DAPK2: variants seen among roughly 807,000 people sequenced by gnomAD.
DAPK2 encodes death-associated protein kinase 2.
Under a neutral mutation model 44.1 loss-of-function variants are expected in DAPK2, and 35 were observed. The observed-to-expected ratio is 0.79, with a 90% CI of 0.61 to 1.05. The LOEUF is 1.05. Among genes scored for constraint, DAPK2 ranks in the 50% least tolerant of loss-of-function variants. DAPK2 has a pLI of 0.00. For synonymous variants in DAPK2, 174 were observed against 182.6 expected, an observed-to-expected ratio of 0.95 and a Z score of 0.38; for missense variants, 453 against 483.2, an observed-to-expected ratio of 0.94 and a Z score of 0.59.
intron 2 of DAPK2, among the ~76,000 whole-genome samples, chr15:63,982,548 A>G (rs904021136): frequency 1.3e-5 from 2 of 152,116 alleles, no homozygotes; most frequent in African/African-American, 2.4e-5. Context: ...ACTTGTCCAC[A>G]ACCCAACTCA....
intron 3 of DAPK2, among the ~76,000 whole-genome samples, chr15:63,969,059 T>C (rs893665474): frequency 1.3e-5 from 2 of 152,188 alleles, no homozygotes; most frequent in African/African-American, 4.8e-5. Flanking sequence ...CCATCCTTGG[T>C]GACCCCCATT....
At chr15:64,014,436 T>A (rs1035211514) in intron 1 of DAPK2, among the ~76,000 whole-genome samples, 7 of 152,188 alleles carry the variant, frequency 4.6e-5, no homozygotes, top group African/African-American at 1.7e-4. Flanking sequence ...TGGGAGTAGG[T>A]CACTTGTTCA....
intron 1 of DAPK2, among the ~76,000 whole-genome samples, chr15:64,015,375 T>G (rs1460308225): frequency 6.6e-6 from 1 of 152,196 alleles, no homozygotes; most frequent in Non-Finnish European, 1.5e-5. Flanking sequence ...TCGAGACCAC[T>G]TGACCACAAC....
At chr15:64,025,172 G>A (rs2079803022) in intron 1 of DAPK2, among the ~76,000 whole-genome samples, 1 of 152,188 alleles carries the variant, frequency 6.6e-6, no homozygotes. Flanking sequence ...GGATTCAGAA[G>A]TCATAGGTTT....
At chr15:64,033,252 C>T (rs1218961732) in intron 1 of DAPK2, among the ~76,000 whole-genome samples, 1 of 33,746 alleles carries the variant, frequency 3.0e-5, no homozygotes, top group Non-Finnish European at 5.5e-5. Context: ...AGAGAGACCC[C>T]TGGGGAGGGG....
At chr15:64,025,727 T>C (rs753757951) in intron 1 of DAPK2, among the ~76,000 whole-genome samples, 15 of 152,174 alleles carry the variant, frequency 9.9e-5, no homozygotes, top group Non-Finnish European at 1.5e-4. Flanking sequence ...GAAAATCGAA[T>C]TTCCACAAGT....
At chr15:63,962,898 G>A (rs2077951356) in intron 3 of DAPK2, among the ~76,000 whole-genome samples, 1 of 152,242 alleles carries the variant, frequency 6.6e-6, no homozygotes, top group Non-Finnish European at 1.5e-5. Flanking sequence ...GGACGTTTAA[G>A]TTTGCAGAAG....
chr15:63,979,275 C>G (rs2078438160), intron 2 of DAPK2, among the ~76,000 whole-genome samples: 1 of 152,200 alleles, frequency 6.6e-6, no homozygotes, highest in Admixed American at 6.5e-5. Flanking sequence ...TAAATCCTTC[C>G]CAGTCCTGCC....
chr15:64,023,291 G>C lies in DAPK2; in HGVS notation c.92+16879C>G, dbSNP rs28678188. 1.9e-4 allele frequency among the ~76,000 whole-genome samples: 29 copies of C among 152,178 alleles called. No homozygotes were observed. In the East Asian group the frequency reaches 5.2e-3, roughly 27 times the overall value. On this transcript the variant is annotated intron_variant, in intron 1 of 10. Transcript: ENST00000261891. ...GAACTTGAGTAGGGCTCAATGCATGGGTGAGACCTAGATGAGCATAGGACT... is the reference window on the plus strand; with the variant it reads ...GAACTTGAGTAGGGCTCAATGCATGCGTGAGACCTAGATGAGCATAGGACT...
chr15:63,991,575 G>C (rs2078819816), intron 1 of DAPK2, among the ~76,000 whole-genome samples: 1 of 128,156 alleles, frequency 7.8e-6, no homozygotes, highest in Non-Finnish European at 1.9e-5. Flanking sequence ...CTTTTGGAGA[G>C]GCATCCAGAG....
chr15:64,027,157 T>C (rs983257312), intron 1 of DAPK2, among the ~76,000 whole-genome samples: 1 of 151,966 alleles, frequency 6.6e-6, no homozygotes, highest in African/African-American at 2.4e-5. Flanking sequence ...CCAAGGCAGG[T>C]GGGTCATCTG....
intron 6 of DAPK2, among the ~76,000 whole-genome samples, chr15:63,928,881 A>T (rs1398460952): frequency 6.6e-6 from 1 of 152,192 alleles, no homozygotes; most frequent in African/African-American, 2.4e-5. Flanking sequence ...GGGAGGGCAT[A>T]AGTAGCTTCA....
chr15:63,973,390 G>T (rs1255131215), intron 2 of DAPK2, among the ~76,000 whole-genome samples: 4 of 152,224 alleles, frequency 2.6e-5, no homozygotes, highest in African/African-American at 7.2e-5. Flanking sequence ...CCACCCCCAT[G>T]GGCCTGGAGG....
intron 1 of DAPK2, among the ~76,000 whole-genome samples, chr15:64,035,511 G>A (rs1666647221): frequency 1.3e-5 from 2 of 152,130 alleles, no homozygotes; most frequent in Admixed American, 1.3e-4. Context: ...CTTATGATGC[G>A]GTAGCCAGAG....
In DAPK2 at chr15:63,946,028, A is replaced by G. The variant is rs1042070702; in HGVS notation, c.454-6667T>C. On this transcript the variant is annotated intron_variant, in intron 3 of 10. Coordinates refer to ENST00000261891, the Ensembl canonical transcript of DAPK2. Reference sequence around the variant, plus strand: ...CTTCAACCAAATACTTCACCCACATACCTGACATCACCTCCAAAGCACGGC... The same window carrying G: ...CTTCAACCAAATACTTCACCCACATGCCTGACATCACCTCCAAAGCACGGC... Among the ~76,000 whole-genome samples, 118 of 152,068 alleles carry G rather than the reference A, an allele frequency of 7.8e-4. 1 individual carries two copies. Among genetic ancestry groups the G allele is most frequent in the Non-Finnish European group, 2.2e-4 (15 of 68,004 alleles).
chr15:63,918,728 C>T (rs2078995178), intron 8 of DAPK2: 1 of 152,342 alleles, frequency 6.6e-6, no homozygotes, highest in Non-Finnish European at 1.5e-5. Flanking sequence ...ACCTATAGTC[C>T]CAGCTACTCA....
At chr15:63,925,073 T>G (rs1169779049) in intron 7 of DAPK2, among the ~76,000 whole-genome samples, 1 of 152,030 alleles carries the variant, frequency 6.6e-6, no homozygotes, top group Non-Finnish European at 1.5e-5. Context: ...CTCAATAGAG[T>G]GGCCTTGTTA....
At position 63,908,311 on chromosome 15, in the gene DAPK2, G is replaced by A. The variant is rs1016549457; in HGVS notation, c.*209C>T. The A allele has an allele frequency of 2.5e-6, 1 of 406,914 alleles. No individual in the cohort carries two copies. Among genetic ancestry groups the A allele is most frequent in the Non-Finnish European group, 4.4e-6 (1 of 229,488 alleles). 25.2% of individuals were successfully genotyped at this position (406,914 alleles called of 1,614,324 possible). A position where few individuals can be genotyped will look rare whatever the true frequency, so the allele number is the denominator to read the frequency against. ...ATTTTATGGAGAATTAAGAGCTTTGGGAATGCTGGAGCCTCCTCCACAGAA... is the reference window on the plus strand; with the variant it reads ...ATTTTATGGAGAATTAAGAGCTTTGAGAATGCTGGAGCCTCCTCCACAGAA... On this transcript the variant is annotated 3_prime_UTR_variant, in exon 11 of 11. Coordinates refer to ENST00000261891, the Ensembl canonical transcript of DAPK2. This position sits in a 1 kb window ranked among gnomAD's most constrained non-coding sequence, Gnocchi z 5.7.
At chr15:63,927,671 C>A (rs1341994573) in intron 6 of DAPK2, among the ~76,000 whole-genome samples, 2 of 152,154 alleles carry the variant, frequency 1.3e-5, no homozygotes, top group African/African-American at 2.4e-5. Context: ...TGCCATGGAG[C>A]AGACCTCAAC....
Sources: allele counts gnomAD v4.1 joint callset (sites outside exome capture counted in the v4.1 genomes callset), GRCh38; gene constraint gnomAD v4.1.1; non-coding constraint Gnocchi (gnomAD v3.1); transcripts MANE v1.5; gene names NCBI Gene and HGNC (gene_info 2026-07-23, HGNC 2026-07-21).